Variants in FUT8 observed in about 807,000 individuals in gnomAD.
FUT8 encodes the protein alpha-(1,6)-fucosyltransferase.
Under a neutral mutation model 71.3 loss-of-function variants are expected in FUT8, and 29 were observed. That is an observed-to-expected ratio of 0.41 (90% CI 0.30 to 0.55). The LOEUF (loss-of-function observed/expected upper bound fraction) is 0.55, where lower values mean the gene tolerates loss of function less well. FUT8 is among the 20% of genes least tolerant of loss of function. The pLI is 0.34. For missense variants in FUT8, 544 were observed against 702.1 expected (o/e 0.77, Z 2.55); for synonymous variants, 254 against 239.3 (o/e 1.06, Z -0.57).
chr14:65,444,839 A>AG (rs1361101915), intron 1 of FUT8, among the ~76,000 whole-genome samples: 2 of 152,124 alleles, frequency 1.3e-5, no homozygotes, highest in Non-Finnish European at 2.9e-5. Flanking sequence ...CAGTGTTGGG[A>AG]GGGGGGCCCA....
At chr14:65,721,109 C>G (rs1194393575) in intron 7 of FUT8, among the ~76,000 whole-genome samples, 1 of 152,040 alleles carries the variant, frequency 6.6e-6, no homozygotes, top group Non-Finnish European at 1.5e-5. Flanking sequence ...GTACTGTGAT[C>G]ACTTACCTGA....
intron 5 of FUT8, chr14:65,617,014 G>T: frequency 6.8e-7 from 1 of 1,478,578 alleles, no homozygotes; most frequent in Non-Finnish European, 9.1e-7. Flanking sequence ...AGAACAAAAT[G>T]TATCTGAAAA....
At chr14:65,600,466 G>A (rs1888234696) in intron 3 of FUT8, among the ~76,000 whole-genome samples, 1 of 152,108 alleles carries the variant, frequency 6.6e-6, no homozygotes, top group African/African-American at 2.4e-5. Context: ...GAATGTAGCG[G>A]GATAGAGTGA....
chr14:65,701,920 C>CAAAATG (rs1894313721), intron 7 of FUT8, among the ~76,000 whole-genome samples: 1 of 152,150 alleles, frequency 6.6e-6, no homozygotes, highest in Non-Finnish European at 1.5e-5. Context: ...TTTTGAGTCT[C>CAAAATG]ACTGAAACTA....
chr14:65,640,360 A>G (rs1232686052), intron 6 of FUT8, among the ~76,000 whole-genome samples: 2 of 152,056 alleles, frequency 1.3e-5, no homozygotes, highest in East Asian at 1.9e-4. Flanking sequence ...TTAAATTATT[A>G]CTTAGTTGAA....
chr14:65,674,671 C>T (rs1005984353), intron 7 of FUT8, among the ~76,000 whole-genome samples: 2 of 152,228 alleles, frequency 1.3e-5, no homozygotes, highest in African/African-American at 4.8e-5. Context: ...AGTCTCTCCG[C>T]AGCTACCTGA....
chr14:65,418,696 T>C (rs1203395466), intron 1 of FUT8, among the ~76,000 whole-genome samples: 1 of 151,986 alleles, frequency 6.6e-6, no homozygotes, highest in Non-Finnish European at 1.5e-5. Context: ...ATTCAGTTTT[T>C]CTCTTTCCCT....
Position 65,693,978 on chromosome 14 carries a change from T to C in FUT8, c.835+24498T>C, listed in dbSNP as rs753654462. On this transcript the variant is annotated intron_variant, in intron 7 of 10. Coordinates refer to ENST00000673929, the MANE Select transcript of FUT8 (RefSeq NM_001371533.1). ...TTAGCTATCAAATTTGTGGGTACAG[T>C]GTTATCCATAATATTCCTTTATTAT... Among the ~76,000 whole-genome samples the C allele has an allele frequency of 9.8e-5, 15 of 152,364 alleles. 1 individual carries two copies. The highest frequency in any genetic ancestry group is 3.4e-3 in the Middle Eastern group (1 of 294).
intron 10 of FUT8, among the ~76,000 whole-genome samples, chr14:65,738,568 C>G (rs971673421): frequency 6.6e-6 from 1 of 152,100 alleles, no homozygotes; most frequent in Non-Finnish European, 1.5e-5. Context: ...TAGCCAACCA[C>G]TGCTTTGCAA....
At chr14:65,409,997 T>C (rs941940903), upstream of FUT8, among the ~76,000 whole-genome samples, 1 of 152,060 alleles carries the variant, frequency 6.6e-6, no homozygotes, top group African/African-American at 2.4e-5. This position sits in a 1 kb window ranked among gnomAD's most constrained non-coding sequence, Gnocchi z 5.4. Flanking sequence ...AGGCAAGCAG[T>C]TGGGAGAAGA....
At chr14:65,594,768 C>T (rs1887878458) in intron 3 of FUT8, among the ~76,000 whole-genome samples, 1 of 152,116 alleles carries the variant, frequency 6.6e-6, no homozygotes, top group African/African-American at 2.4e-5. Context: ...CCTCTCTCTT[C>T]TGAAGTCAAG....
intron 2 of FUT8, among the ~76,000 whole-genome samples, chr14:65,470,546 AG>A (rs1301391201): frequency 6.6e-6 from 1 of 152,184 alleles, no homozygotes; most frequent in Non-Finnish European, 1.5e-5. Flanking sequence ...GATCCGGGGC[AG>A]GGGTGACATC....
chr14:65,590,055 A>T (rs2140137716), intron 3 of FUT8, among the ~76,000 whole-genome samples: 1 of 152,338 alleles, frequency 6.6e-6, no homozygotes, highest in African/African-American at 2.4e-5. Flanking sequence ...GGAAAGAAAC[A>T]GAAAGATACG....
chr14:65,511,789 A>C (rs1348778773), intron 2 of FUT8, among the ~76,000 whole-genome samples: 1 of 152,124 alleles, frequency 6.6e-6, no homozygotes, highest in East Asian at 1.9e-4. Context: ...GTGTCTTTAT[A>C]GGTGAAGTGT....
chr14:65,465,631 T>C (rs971739480), intron 2 of FUT8, among the ~76,000 whole-genome samples: 8 of 152,276 alleles, frequency 5.3e-5, no homozygotes, highest in African/African-American at 1.4e-4. Context: ...ACTAGTTTAA[T>C]TCCATTGTGG....
At position 65,416,983 on chromosome 14, in the gene FUT8, G is replaced by T. The variant is rs189696039; in HGVS notation, c.-326+3769G>T. ...TTAATATTTGTAGAGATGAGACCTT[G>T]GTATGTTGCCCAGGTTTGTCTTGAA... On this transcript the variant is annotated intron_variant, in intron 1 of 10. Coordinates refer to ENST00000673929, the MANE Select transcript of FUT8 (RefSeq NM_001371533.1). Among the ~76,000 whole-genome samples the T allele has an allele frequency of 5.3e-5, 8 of 151,944 alleles. No homozygotes were observed. In the East Asian group the frequency reaches 1.5e-3, roughly 29 times the overall value.
At chr14:65,493,452 A>G (rs537191949) in intron 2 of FUT8, among the ~76,000 whole-genome samples, 7 of 152,252 alleles carry the variant, frequency 4.6e-5, no homozygotes, top group African/African-American at 1.4e-4. Context: ...AGGAATAGAA[A>G]GAGAAGGGAT....
intron 7 of FUT8, among the ~76,000 whole-genome samples, chr14:65,692,459 A>ACCC (rs1566898986): frequency 1.2e-4 from 7 of 59,220 alleles, no homozygotes; most frequent in Admixed American, 1.8e-4. Flanking sequence ...CGGGGGGCTG[A>ACCC]CCCCCCCACC....
In FUT8 at chr14:65,595,283, C is replaced by T. The variant is rs144965354; in HGVS notation, c.204-20695C>T. On this transcript the variant is annotated intron_variant, in intron 3 of 10. Transcript: ENST00000673929. The stretch of plus-strand genomic sequence containing the variant: ...TGAGAGGATGTAATAATCAGAATGC[C>T]GTTAACTAGCATAATTTCAAAAATA... Among the ~76,000 whole-genome samples the T allele has an allele frequency of 2.9e-3, 445 of 152,086 alleles. 2 individuals are homozygous for T. Among genetic ancestry groups the T allele is most frequent in the African/African-American group, 0.01 (416 of 41,476 alleles).
Sources: gnomAD v4.1 joint callset for allele counts (sites outside exome capture counted in the v4.1 genomes callset) on GRCh38, gnomAD v4.1.1 for gene constraint, Gnocchi (gnomAD v3.1) non-coding constraint, MANE v1.5 for transcripts, NCBI Gene and HGNC (gene_info 2026-07-23, HGNC 2026-07-21) for gene names.